TMEM64: variants seen among roughly 807,000 people sequenced by gnomAD.
TMEM64 encodes transmembrane protein 64.
A neutral mutation model predicts 24.5 loss-of-function variants in TMEM64; 19 were observed. The observed-to-expected ratio is 0.78, with a 90% CI of 0.54 to 1.14. The LOEUF (loss-of-function observed/expected upper bound fraction) is 1.14, where lower values mean the gene tolerates loss of function less well. TMEM64 is among the 50% of genes most tolerant of loss of function. The pLI is 0.00. For missense variants in TMEM64, 487 were observed against 493.0 expected (o/e 0.99, Z 0.12); for synonymous variants, 262 against 224.7 (o/e 1.17, Z -1.49).
Position 90,625,473 on chromosome 8 carries a change from C to T in TMEM64, c.*198G>A. The T allele has an allele frequency of 2.0e-6, 1 of 498,926 alleles. No individual in the cohort carries two copies. The highest frequency in any genetic ancestry group is 3.6e-6 in the Non-Finnish European group (1 of 281,490). 30.9% of individuals were successfully genotyped at this position (498,926 alleles called of 1,614,324 possible). ...ATACAGGCATGATAAAGAGGTGCAG[C>T]CAAATTTGCATCTACATTTACACTT... On this transcript the variant is annotated 3_prime_UTR_variant, in exon 3 of 3. Coordinates refer to ENST00000458549, the MANE Select transcript of TMEM64 (RefSeq NM_001008495.4).
At chr8:90,643,901 A>G (rs1809645134) in intron 1 of TMEM64, among the ~76,000 whole-genome samples, 1 of 152,222 alleles carries the variant, frequency 6.6e-6, no homozygotes, top group Non-Finnish European at 1.5e-5. Context: ...CTTGGAATCA[A>G]GAGGTTTGCA....
At position 90,625,570 on chromosome 8, in the gene TMEM64, G is replaced by A; in HGVS notation, c.*101C>T. The A allele has an allele frequency of 1.1e-6, 1 of 946,224 alleles. No homozygotes were observed. Among genetic ancestry groups the A allele is most frequent in the Non-Finnish European group, 1.5e-6 (1 of 648,018 alleles). 58.6% of individuals were successfully genotyped at this position (946,224 alleles called of 1,614,324 possible). ...ATTTAAAAACTAGTCAGTTTTGTTTGTGCTGTAATACAATTAGAACTTGTC... is the reference window on the plus strand; with the variant it reads ...ATTTAAAAACTAGTCAGTTTTGTTTATGCTGTAATACAATTAGAACTTGTC... On this transcript the variant is annotated 3_prime_UTR_variant, in exon 3 of 3. Transcript: ENST00000458549.
rs1356483341 is a variant in TMEM64 at position 90,640,999 on chromosome 8, T to C, written c.795+4112A>G. 2.6e-5 allele frequency among the ~76,000 whole-genome samples: 4 copies of C among 152,338 alleles called. No homozygotes were observed. The East Asian group carries it at 7.7e-4, about 29-fold the overall frequency. On this transcript the variant is annotated intron_variant, in intron 1 of 2. Coordinates refer to ENST00000458549, the MANE Select transcript of TMEM64 (RefSeq NM_001008495.4). ...AAAATTTACTCATTTCTATTTTGTTTGCATTTTACACACAGTACCCATTTA... is the reference window on the plus strand; with the variant it reads ...AAAATTTACTCATTTCTATTTTGTTCGCATTTTACACACAGTACCCATTTA...
At chr8:90,641,354 A>T (rs567055108) in intron 1 of TMEM64, among the ~76,000 whole-genome samples, 1 of 149,242 alleles carries the variant, frequency 6.7e-6, no homozygotes, top group South Asian at 2.1e-4. Flanking sequence ...ATGTATATGA[A>T]ATATTCTTGT....
At chr8:90,627,916 T>A (rs1563953509) in intron 2 of TMEM64, among the ~76,000 whole-genome samples, 1 of 152,034 alleles carries the variant, frequency 6.6e-6, no homozygotes, top group African/African-American at 2.4e-5. Context: ...AAATGGAAAG[T>A]ACATCTCATT....
intron 2 of TMEM64, among the ~76,000 whole-genome samples, chr8:90,629,141 C>A (rs1030052506): frequency 6.6e-6 from 1 of 152,110 alleles, no homozygotes; most frequent in Non-Finnish European, 1.5e-5. Context: ...GCATTAAATG[C>A]CTCCTGATAC....
chr8:90,639,868 A>G (rs1809577733), intron 1 of TMEM64, among the ~76,000 whole-genome samples: 1 of 152,210 alleles, frequency 6.6e-6, no homozygotes, highest in Non-Finnish European at 1.5e-5. Context: ...CGTTGCTTTT[A>G]AACAAATTTT....
chr8:90,645,732 T>TGCTGCCGCCGCC lies in TMEM64; in HGVS notation c.162_173dup (p.Ala58_Ala61dup), dbSNP rs1294690554. ...CGAGCAGGGCGCCCGAGGCCGCCGCTGCTGCCGCCGCCGCGCTCGCCCCGC... is the reference window on the plus strand; with the variant it reads ...CGAGCAGGGCGCCCGAGGCCGCCGCTGCTGCCGCCGCCGCTGCCGCCGCCGCGCTCGCCCCGC... On this transcript the variant is annotated inframe_insertion, in exon 1 of 3. Coordinates refer to ENST00000458549, the MANE Select transcript of TMEM64 (RefSeq NM_001008495.4). The surrounding 1 kb of genome is among the most constrained non-coding windows in gnomAD (Gnocchi z 4.2). 2 of 1,157,434 alleles carry TGCTGCCGCCGCC rather than the reference T, an allele frequency of 1.7e-6. No homozygotes were observed. The highest frequency in any genetic ancestry group is 4.8e-5 in the Admixed American group (1 of 20,962). 71.7% of individuals were successfully genotyped at this position (1,157,434 alleles called of 1,614,324 possible).
chr8:90,645,476 G>A lies in TMEM64; in HGVS notation c.430C>T (p.Leu144Phe), dbSNP rs1413455862. The A allele has an allele frequency of 1.3e-6, 2 of 1,551,292 alleles. No individual in the cohort carries two copies. Among genetic ancestry groups the A allele is most frequent in the South Asian group, 1.2e-5 (1 of 84,066 alleles). ...FASLALVRRY[L>F]HHLLLWVESL... ...TCCACCCACAGCAGGAGGTGGTGAAGGTAGCGGCGGACCAGGGCCAGGGAA... is the reference window on the plus strand; with the variant it reads ...TCCACCCACAGCAGGAGGTGGTGAAAGTAGCGGCGGACCAGGGCCAGGGAA... Residue 144 changes from leucine (L) to phenylalanine (F), a missense_variant, in exon 1 of 3, where the codon CTT becomes TTT. This residue lies in a region of TMEM64 where 419 missense variants were observed against 407.5 expected (regional missense o/e 1.03). Transcript: ENST00000458549. This position sits in a 1 kb window ranked among gnomAD's most constrained non-coding sequence, Gnocchi z 4.2.
chr8:90,641,445 C>T (rs1038095987), intron 1 of TMEM64, among the ~76,000 whole-genome samples: 1 of 152,114 alleles, frequency 6.6e-6, no homozygotes, highest in African/African-American at 2.4e-5. Flanking sequence ...GGTTTTCTGA[C>T]CCCTGCTCTA....
chr8:90,627,267 C>A (rs74373934), intron 2 of TMEM64, among the ~76,000 whole-genome samples: 2,308 of 152,044 alleles, frequency 0.015, 60 homozygotes, highest in African/African-American at 0.052. Context: ...TTGGAACTTG[C>A]ACAAGGGGGT....
chr8:90,634,504 T>C (rs1278028451), intron 1 of TMEM64, among the ~76,000 whole-genome samples: 4 of 152,200 alleles, frequency 2.6e-5, no homozygotes, highest in African/African-American at 9.6e-5. Context: ...TTGCAGATCA[T>C]TCTGTCACTC....
chr8:90,625,690 C>T lies in TMEM64; in HGVS notation c.1124G>A (p.Gly375Asp), dbSNP rs752241131. ...TTAGAATCATACAACATTGATTCCA[C>T]CTCCAGAAAATGTTAGGGTCCTCTT... Reference protein sequence around the residue: ...YNKRTLTFSGGGINVV With the variant: ...YNKRTLTFSGDGINVV The change falls in exon 3 of 3, where the codon GGT (glycine) becomes GAT (aspartate). Residue 375 changes from glycine (G) to aspartate (D), a missense_variant. Gly to Asp is a moderately conservative substitution (Grantham distance 94, BLOSUM62 -1). Transcript: ENST00000458549. The T allele has an allele frequency of 4.0e-5, 65 of 1,613,510 alleles. 1 individual carries two copies. The South Asian group carries it at 6.4e-4, about 16-fold the overall frequency.
intron 1 of TMEM64, among the ~76,000 whole-genome samples, chr8:90,636,794 T>C (rs998357370): frequency 2.0e-5 from 3 of 152,176 alleles, no homozygotes; most frequent in Admixed American, 6.5e-5. Flanking sequence ...GTACCCAGCA[T>C]TTTGGCTCAG....
At position 90,622,411 on chromosome 8, in the gene TMEM64, C is replaced by A. The variant is rs139225094; in HGVS notation, c.*3260G>T. On this transcript the variant is annotated 3_prime_UTR_variant, in exon 3 of 3. Transcript: ENST00000458549. ...AGCCTCTGGCTGAAACAAAATTCCA[C>A]CACCAAGGCCATCAACCAGGTTAGT... is the stretch of plus-strand genomic sequence containing the variant. 57 of 152,216 alleles carry A rather than the reference C, an allele frequency of 3.7e-4. No individual in the cohort carries two copies. Among genetic ancestry groups the A allele is most frequent in the African/African-American group, 1.4e-3 (56 of 41,432 alleles). The allele number at this position is 152,216 out of a possible 1,614,324, so 9.4% of individuals were successfully genotyped here. A position where few individuals can be genotyped will look rare whatever the true frequency, so the allele number is the denominator to read the frequency against.
chr8:90,625,581 C>G lies in TMEM64; in HGVS notation c.*90G>C. 1 of 1,076,528 alleles carries G rather than the reference C, an allele frequency of 9.3e-7. No homozygotes were observed. Among genetic ancestry groups the G allele is most frequent in the Non-Finnish European group, 1.3e-6 (1 of 755,526 alleles). 66.7% of individuals were successfully genotyped at this position (1,076,528 alleles called of 1,614,324 possible). A position where few individuals can be genotyped will look rare whatever the true frequency, so the allele number is the denominator to read the frequency against. On this transcript the variant is annotated 3_prime_UTR_variant, in exon 3 of 3. Coordinates refer to ENST00000458549, the MANE Select transcript of TMEM64 (RefSeq NM_001008495.4). Reference sequence around the variant, plus strand: ...AGTCAGTTTTGTTTGTGCTGTAATACAATTAGAACTTGTCTCTGCCCACTA... The same window carrying G: ...AGTCAGTTTTGTTTGTGCTGTAATAGAATTAGAACTTGTCTCTGCCCACTA...
intron 1 of TMEM64, among the ~76,000 whole-genome samples, chr8:90,643,411 G>C (rs1809637303): frequency 1.3e-5 from 2 of 152,166 alleles, no homozygotes; most frequent in South Asian, 2.1e-4. Flanking sequence ...AGCCCAGAGA[G>C]AATAAACAAC....
chr8:90,645,251 C>T lies in TMEM64; in HGVS notation c.655G>A (p.Ala219Thr). The T allele has an allele frequency of 6.2e-7, 1 of 1,613,164 alleles. No homozygotes were observed. The highest frequency in any genetic ancestry group is 8.5e-7 in the Non-Finnish European group (1 of 1,179,542). Reference protein sequence around the residue: ...AHVVCKRLLTAWVAARIQSSE... With the variant: ...AHVVCKRLLTTWVAARIQSSE... The stretch of plus-strand genomic sequence containing the variant: ...CTCTGGATCCTGGCGGCCACCCAGG[C>T]GGTGAGGAGCCGCTTGCAGACCACA... Residue 219 changes from alanine (A) to threonine (T), a missense_variant, in exon 1 of 3, where the codon GCC (alanine) becomes ACC (threonine). By Grantham distance (58) the Ala-to-Thr change is moderately conservative. This residue lies in a region of TMEM64 where 419 missense variants were observed against 407.5 expected (regional missense o/e 1.03). Coordinates refer to ENST00000458549, the MANE Select transcript of TMEM64 (RefSeq NM_001008495.4). The surrounding 1 kb of genome is among the most constrained non-coding windows in gnomAD (Gnocchi z 4.2).
Position 90,625,648 on chromosome 8 carries a change from G to A in TMEM64, c.*23C>T. On this transcript the variant is annotated 3_prime_UTR_variant, in exon 3 of 3. Transcript: ENST00000458549. Reference sequence around the variant, plus strand: ...ACCTTAGATAGCACACTAGGCTCTTGACAATCACGTATCTCATTAGAATCA... The same window carrying A: ...ACCTTAGATAGCACACTAGGCTCTTAACAATCACGTATCTCATTAGAATCA... 2.5e-6 allele frequency: 4 copies of A among 1,601,186 alleles called. No homozygotes were observed. Among genetic ancestry groups the A allele is most frequent in the Non-Finnish European group, 3.4e-6 (4 of 1,170,782 alleles).
Sources: gnomAD v4.1 joint callset for allele counts (sites outside exome capture counted in the v4.1 genomes callset) on GRCh38, gnomAD v4.1.1 for gene constraint, gnomAD v4.1.1 regional missense constraint, Gnocchi (gnomAD v3.1) non-coding constraint, MANE v1.5 for transcripts, NCBI Gene and HGNC (gene_info 2026-07-23, HGNC 2026-07-21) for gene names.